The following CNOT6L variants were observed in gnomAD, a reference collection of about 807,000 sequenced individuals.
CNOT6L encodes the protein CCR4-NOT transcription complex subunit 6 like.
CNOT6L carries 7 observed loss-of-function variants against 64.0 expected under a neutral mutation model. The ratio of observed to expected loss-of-function variants is 0.11; its 90% CI spans 0.06 to 0.21. The LOEUF (loss-of-function observed/expected upper bound fraction) is 0.21. Among genes scored for constraint, CNOT6L ranks in the 10% least tolerant of loss-of-function variants. The probability of loss-of-function intolerance (pLI) is 1.00; values close to 1 mark genes in which losing one functional copy is unlikely to be tolerated. For synonymous variants in CNOT6L, 193 were observed against 243.4 expected, an observed-to-expected ratio of 0.79 and a Z score of 1.93; for missense variants, 245 against 669.0, an observed-to-expected ratio of 0.37 and a Z score of 6.99.
intron 11 of CNOT6L, among the ~76,000 whole-genome samples, chr4:77,724,563 A>G (rs1447428098): frequency 2.0e-5 from 3 of 151,212 alleles, no homozygotes; most frequent in Admixed American, 6.6e-5. Context: ...TGTCTTGAGC[A>G]CAGGAGTTTC....
chr4:77,744,954 C>G (rs1724029167), intron 6 of CNOT6L, 79 bp from the exon 7 acceptor site: 6 of 1,177,612 alleles, frequency 5.1e-6, no homozygotes, highest in Non-Finnish European at 7.1e-6. Context: ...ATGTGTACAC[C>G]TGCACAAGCA....
rs183756879 is a variant in CNOT6L at position 77,725,938 on chromosome 4, A to G, written c.1455+229T>C. On this transcript the variant is annotated intron_variant, in intron 11 of 11. Transcript: ENST00000504123. ...AGTGAGCATTTTAGAAGTTTTTGTTATTATATTATTTGAAATCTAAACAAG... is the reference window on the plus strand; with the variant it reads ...AGTGAGCATTTTAGAAGTTTTTGTTGTTATATTATTTGAAATCTAAACAAG... Among the ~76,000 whole-genome samples, 582 of 150,990 alleles carry G rather than the reference A, an allele frequency of 3.9e-3. 4 individuals are homozygous for G. Among genetic ancestry groups the G allele is most frequent in the African/African-American group, 0.014 (556 of 41,146 alleles).
At chr4:77,819,922 C>T (rs1156590276), upstream of CNOT6L, among the ~76,000 whole-genome samples, 5 of 151,246 alleles carry the variant, frequency 3.3e-5, no homozygotes, top group Non-Finnish European at 7.4e-5. Context: ...AGAGAGGCCC[C>T]GCGGCCGCGG....
At chr4:77,724,469 T>C (rs1283433507) in intron 11 of CNOT6L, among the ~76,000 whole-genome samples, 1 of 151,916 alleles carries the variant, frequency 6.6e-6, no homozygotes, top group Non-Finnish European at 1.5e-5. Flanking sequence ...CAAAACCCTG[T>C]CTGTACTAAA....
chr4:77,740,152 T>G (rs1723418353), intron 8 of CNOT6L, among the ~76,000 whole-genome samples: 1 of 152,010 alleles, frequency 6.6e-6, no homozygotes, highest in African/African-American at 2.4e-5. Context: ...GGTGGATTGC[T>G]TGGACCCAGG....
intron 11 of CNOT6L, among the ~76,000 whole-genome samples, chr4:77,724,943 A>C (rs1046097757): frequency 6.8e-6 from 1 of 147,962 alleles, no homozygotes; most frequent in Non-Finnish European, 1.5e-5. Context: ...GTTCAATGGT[A>C]TCATGTTGGA....
chr4:77,795,025 T>TC (rs1475600347), intron 1 of CNOT6L, among the ~76,000 whole-genome samples: 2 of 150,088 alleles, frequency 1.3e-5, no homozygotes, highest in South Asian at 2.1e-4. Context: ...ATTTTTCTTT[T>TC]TTTTTTTTTT....
intron 4 of CNOT6L, among the ~76,000 whole-genome samples, chr4:77,761,188 GCAA>G (rs1726185043): frequency 6.6e-6 from 1 of 152,098 alleles, no homozygotes; most frequent in South Asian, 2.1e-4. Context: ...CTCTGTACAA[GCAA>G]CGATGACCAA....
intron 1 of CNOT6L, among the ~76,000 whole-genome samples, chr4:77,817,368 T>C (rs1262490491): frequency 6.6e-6 from 1 of 152,196 alleles, no homozygotes; most frequent in Non-Finnish European, 1.5e-5. Context: ...TCCATTGTCT[T>C]TTTTACGTTA....
At chr4:77,761,612 G>C (rs944149779) in intron 4 of CNOT6L, among the ~76,000 whole-genome samples, 3 of 152,034 alleles carry the variant, frequency 2.0e-5, no homozygotes, top group Non-Finnish European at 2.9e-5. Context: ...AGCAAATGTG[G>C]GGAAGAAGGA....
chr4:77,760,951 CG>C (rs1726160370), intron 4 of CNOT6L, among the ~76,000 whole-genome samples: 1 of 141,098 alleles, frequency 7.1e-6, no homozygotes, highest in South Asian at 2.3e-4. Context: ...CTCCTGACCT[CG>C]TCATCTGCCC....
intron 1 of CNOT6L, among the ~76,000 whole-genome samples, chr4:77,782,641 CTTTT>C (rs3048223): frequency 0.25 from 35,177 of 141,196 alleles, 4,894 homozygotes; most frequent in East Asian, 0.45. Flanking sequence ...AGTGCCTAGC[CTTTT>C]TTTTTTTTTT....
chr4:77,814,070 T>C (rs1488057331), intron 1 of CNOT6L, among the ~76,000 whole-genome samples: 4 of 152,162 alleles, frequency 2.6e-5, no homozygotes, highest in African/African-American at 9.7e-5. Context: ...AATGAAATAC[T>C]TGCTATGACA....
intron 1 of CNOT6L, among the ~76,000 whole-genome samples, chr4:77,783,150 CAAAAAAAAAA>C (rs35634501): frequency 9.8e-6 from 1 of 102,184 alleles, no homozygotes; most frequent in East Asian, 2.8e-4. Flanking sequence ...TGTGACCACT[CAAAAAAAAAA>C]AAAAAAAAAA....
intron 9 of CNOT6L, among the ~76,000 whole-genome samples, chr4:77,730,106 T>C (rs1204181811): frequency 1.3e-5 from 2 of 152,108 alleles, no homozygotes; most frequent in African/African-American, 4.8e-5. Flanking sequence ...ATTTTTCTAT[T>C]GGAATATAAG....
At chr4:77,786,224 T>A (rs1385486189) in intron 1 of CNOT6L, among the ~76,000 whole-genome samples, 1 of 151,748 alleles carries the variant, frequency 6.6e-6, no homozygotes, top group African/African-American at 2.4e-5. Flanking sequence ...GAGGTTTCAG[T>A]GAGCCAGTAT....
chr4:77,750,828 C>A (rs189665018), intron 5 of CNOT6L, among the ~76,000 whole-genome samples: 70 of 152,340 alleles, frequency 4.6e-4, no homozygotes, highest in African/African-American at 1.7e-3. Context: ...ACACCTAACA[C>A]TGACTGGCAG....
intron 8 of CNOT6L, among the ~76,000 whole-genome samples, chr4:77,737,278 T>C (rs1194292660): frequency 6.6e-6 from 1 of 152,096 alleles, no homozygotes; most frequent in East Asian, 1.9e-4. Context: ...TATAAAATGA[T>C]ATAAAATGTG....
chr4:77,772,391 T>C (rs1171490869), intron 4 of CNOT6L, among the ~76,000 whole-genome samples: 1 of 152,100 alleles, frequency 6.6e-6, no homozygotes, highest in Non-Finnish European at 1.5e-5. Context: ...CACACACGGC[T>C]AATTTTGTAT....
Sources: gnomAD v4.1 joint callset for allele counts (sites outside exome capture counted in the v4.1 genomes callset) on GRCh38, gnomAD v4.1.1 for gene constraint, MANE v1.5 for transcripts, NCBI Gene and HGNC (gene_info 2026-07-23, HGNC 2026-07-21) for gene names.